GRB2: variants seen among roughly 807,000 people sequenced by gnomAD.
GRB2 encodes growth factor receptor-bound protein 2.
A neutral mutation model predicts 27.4 loss-of-function variants in GRB2; 2 were observed. That is an observed-to-expected ratio of 0.07 (90% CI 0.03 to 0.23). GRB2 has a LOEUF of 0.23. Ranked by LOEUF, GRB2 falls within the 10% of genes least tolerant of loss-of-function variation. The probability of loss-of-function intolerance (pLI) is 1.00; values close to 1 mark genes in which losing one functional copy is unlikely to be tolerated. For synonymous variants in GRB2, 94 were observed against 99.6 expected (o/e 0.94, Z 0.33); for missense variants, 102 against 282.4 (o/e 0.36, Z 4.58).
chr17:75,345,026 G>GT (rs200713918), intron 2 of GRB2, among the ~76,000 whole-genome samples: 13 of 151,564 alleles, frequency 8.6e-5, no homozygotes, highest in African/African-American at 2.2e-4. Flanking sequence ...GACAACAGAG[G>GT]TTTTTTTTTA....
intron 1 of GRB2, among the ~76,000 whole-genome samples, chr17:75,403,155 A>AAAT (rs1555614120): frequency 1.2e-4 from 17 of 145,534 alleles, no homozygotes; most frequent in South Asian, 6.4e-4. Context: ...GACCAAAAAA[A>AAAT]ATATATATAT....
chr17:75,344,419 TCTTG>T (rs2145835396), intron 2 of GRB2: 1 of 141,534 alleles, frequency 7.1e-6, no homozygotes, highest in South Asian at 2.2e-4. Context: ...TCAGACAGAG[TCTTG>T]CTTTTGTTGC....
At chr17:75,377,586 A>T (rs1174399898) in intron 2 of GRB2, among the ~76,000 whole-genome samples, 1 of 121,584 alleles carries the variant, frequency 8.2e-6, no homozygotes, top group Admixed American at 9.9e-5. Context: ...ACAGAGCGAG[A>T]CCCTGTCTCA....
intron 2 of GRB2, among the ~76,000 whole-genome samples, chr17:75,360,931 C>T (rs1470191832): frequency 1.3e-5 from 2 of 151,076 alleles, no homozygotes; most frequent in African/African-American, 4.9e-5. Context: ...CCACGCCCAG[C>T]TAATTTTAAT....
In GRB2 at chr17:75,402,014, A is replaced by G. The variant is rs535714034; in HGVS notation, c.-138+3475T>C. Among the ~76,000 whole-genome samples, 7 of 152,360 alleles carry G rather than the reference A, an allele frequency of 4.6e-5. No individual in the cohort carries two copies. In the South Asian group the frequency reaches 1.2e-3, roughly 27 times the overall value. On this transcript the variant is annotated intron_variant, in intron 1 of 5. Transcript: ENST00000316804. ...GATGAAACCATCATCAGTTGAAAAT[A>G]TTGTTACATGGAAATGCATTTTAAT...
intron 1 of GRB2, among the ~76,000 whole-genome samples, chr17:75,397,284 A>G (rs754311147): frequency 3.3e-4 from 50 of 152,356 alleles, no homozygotes; most frequent in Non-Finnish European, 5.7e-4. Context: ...CTAATTACTA[A>G]AAGGAAGAAA....
intron 2 of GRB2, among the ~76,000 whole-genome samples, chr17:75,354,273 G>GC (rs2078715516): frequency 1.1e-5 from 1 of 95,128 alleles, no homozygotes; most frequent in South Asian, 4.4e-4. Flanking sequence ...TTGGGGGGGG[G>GC]GGGGAGATGG....
chr17:75,395,624 G>C (rs2079024672), intron 1 of GRB2, among the ~76,000 whole-genome samples: 1 of 151,932 alleles, frequency 6.6e-6, no homozygotes, highest in Non-Finnish European at 1.5e-5. Flanking sequence ...TAAATCTTGT[G>C]GTCAATGCAC....
At chr17:75,328,407 G>A (rs891393405) in intron 3 of GRB2, among the ~76,000 whole-genome samples, 1 of 151,970 alleles carries the variant, frequency 6.6e-6, no homozygotes, top group Non-Finnish European at 1.5e-5. Flanking sequence ...TTGGGAGGCC[G>A]AGGTGGGCGG....
At chr17:75,333,112 G>A (rs1342767388) in intron 2 of GRB2, among the ~76,000 whole-genome samples, 2 of 151,526 alleles carry the variant, frequency 1.3e-5, no homozygotes, top group Non-Finnish European at 2.9e-5. Context: ...GTCTTGCTCT[G>A]TCGCCCAGGC....
intron 2 of GRB2, among the ~76,000 whole-genome samples, chr17:75,361,600 A>G (rs955743007): frequency 8.5e-5 from 13 of 152,184 alleles, no homozygotes; most frequent in Non-Finnish European, 1.6e-4. Flanking sequence ...CAAATATGGT[A>G]TGAGGGAAAT....
intron 3 of GRB2, among the ~76,000 whole-genome samples, chr17:75,330,154 C>T (rs1336214004): frequency 1.3e-5 from 2 of 151,808 alleles, no homozygotes; most frequent in East Asian, 1.9e-4. Context: ...GAGGCCGAGG[C>T]GGGCGGATCA....
chr17:75,348,707 C>T (rs1303502502), intron 2 of GRB2, among the ~76,000 whole-genome samples: 1 of 152,184 alleles, frequency 6.6e-6, no homozygotes, highest in Admixed American at 6.5e-5. Context: ...CAGGGTCTTA[C>T]TCTGTTACCC....
intron 4 of GRB2, among the ~76,000 whole-genome samples, chr17:75,324,511 T>C (rs2078483928): frequency 2.5e-5 from 1 of 40,740 alleles, no homozygotes; most frequent in Non-Finnish European, 7.7e-5. Flanking sequence ...CACCCAGTTT[T>C]TTTTTTTTTT....
chr17:75,339,079 A>G, intron 2 of GRB2: 1 of 1,359,182 alleles, frequency 7.4e-7, no homozygotes, highest in Non-Finnish European at 1.0e-6. Flanking sequence ...AATGCTGGCT[A>G]TTAAAAGATG....
Position 75,321,648 on chromosome 17 carries a change from A to C in GRB2, c.468+11T>G, listed in dbSNP as rs756613637. 6.2e-7 allele frequency: 1 copy of C among 1,613,566 alleles called. No individual in the cohort carries two copies. The highest frequency in any genetic ancestry group is 8.5e-7 in the Non-Finnish European group (1 of 1,179,598). ...CTAAAAATGATCCCATCTCACCCTG[A>C]TGAGGCTTACCTGTGGCACCTGTTC... On this transcript the variant is annotated intron_variant, in intron 5 of 5. Coordinates refer to ENST00000316804, the MANE Select transcript of GRB2 (RefSeq NM_002086.5).
intron 4 of GRB2, among the ~76,000 whole-genome samples, chr17:75,323,165 T>A (rs1173049540): frequency 6.7e-6 from 1 of 150,092 alleles, no homozygotes; most frequent in African/African-American, 2.5e-5. Context: ...GAGTGCTTGT[T>A]CAATGAATGA....
chr17:75,372,810 G>A (rs759913727), intron 2 of GRB2: 2 of 152,210 alleles, frequency 1.3e-5, no homozygotes, highest in Non-Finnish European at 2.9e-5. Flanking sequence ...GCACATGGAA[G>A]ACAAATACTT....
At chr17:75,403,583 G>C (rs2079077980) in intron 1 of GRB2, among the ~76,000 whole-genome samples, 1 of 151,780 alleles carries the variant, frequency 6.6e-6, no homozygotes, top group Non-Finnish European at 1.5e-5. Context: ...TGGCCAACAT[G>C]GTGAAACTCT....
Sources: allele counts gnomAD v4.1 joint callset (sites outside exome capture counted in the v4.1 genomes callset), GRCh38; gene constraint gnomAD v4.1.1; transcripts MANE v1.5; gene names NCBI Gene and HGNC (gene_info 2026-07-23, HGNC 2026-07-21).